Variants in DENND1A observed in about 807,000 individuals in gnomAD.
The protein encoded by DENND1A is DENN domain containing 1A.
Under a neutral mutation model 113.7 loss-of-function variants are expected in DENND1A, and 51 were observed. The observed-to-expected ratio is 0.45, with a 90% CI of 0.36 to 0.57. The LOEUF is 0.57. Ranked by LOEUF, DENND1A falls within the 20% of genes least tolerant of loss-of-function variation. DENND1A has a pLI of 0.00. For missense variants in DENND1A, 1,258 were observed against 1,395.9 expected (o/e 0.90, Z 1.57); for synonymous variants, 565 against 570.8 (o/e 0.99, Z 0.14).
At chr9:123,792,335 G>A (rs951658429) in intron 3 of DENND1A, among the ~76,000 whole-genome samples, 1 of 152,126 alleles carries the variant, frequency 6.6e-6, no homozygotes, top group Non-Finnish European at 1.5e-5. Flanking sequence ...TCAAAGTGAA[G>A]AGTAAAATTT....
At chr9:123,500,962 G>A (rs748189970) in intron 13 of DENND1A, among the ~76,000 whole-genome samples, 1 of 152,090 alleles carries the variant, frequency 6.6e-6, no homozygotes, top group Admixed American at 6.6e-5. Flanking sequence ...ATTTACTGCC[G>A]ATTATTTTTA....
At chr9:123,899,059 G>C (rs7863834) in intron 1 of DENND1A, among the ~76,000 whole-genome samples, 12,599 of 152,178 alleles carry the variant, frequency 0.083, 1,105 homozygotes, top group African/African-American at 0.22. Flanking sequence ...CTCAAATCTT[G>C]AAACTCACTT....
chr9:123,729,008 A>G (rs895248685), intron 5 of DENND1A, among the ~76,000 whole-genome samples: 3 of 152,230 alleles, frequency 2.0e-5, no homozygotes, highest in African/African-American at 7.2e-5. Flanking sequence ...AGAACCAATG[A>G]CAAAATCCAC....
At chr9:123,906,946 G>T (rs1423583111) in intron 1 of DENND1A, among the ~76,000 whole-genome samples, 1 of 139,830 alleles carries the variant, frequency 7.2e-6, no homozygotes, top group Non-Finnish European at 1.6e-5. Context: ...GAACATTGAC[G>T]CAAAAATCCT....
chr9:123,571,990 TAA>T (rs1389623202), intron 12 of DENND1A, among the ~76,000 whole-genome samples: 1 of 152,268 alleles, frequency 6.6e-6, no homozygotes, highest in Non-Finnish European at 1.5e-5. Flanking sequence ...TAAATAATTT[TAA>T]AGTCAGGTTT....
chr9:123,657,760 AT>A (rs534238086), intron 8 of DENND1A, among the ~76,000 whole-genome samples: 8,273 of 145,258 alleles, frequency 0.057, 705 homozygotes, highest in African/African-American at 0.19. Flanking sequence ...CCCTCAACTG[AT>A]TTTTTTTTTT....
chr9:123,587,096 A>G (rs2059209821), intron 11 of DENND1A, among the ~76,000 whole-genome samples: 2 of 151,908 alleles, frequency 1.3e-5, no homozygotes, highest in African/African-American at 4.8e-5. Context: ...CTGCGGTGCC[A>G]ACAATGCACT....
At position 123,409,808 on chromosome 9, in the gene DENND1A, T is replaced by C. The variant is rs1294148818; in HGVS notation, c.1542+1968A>G. 2.6e-5 allele frequency among the ~76,000 whole-genome samples: 4 copies of C among 152,266 alleles called. No homozygotes were observed. The East Asian group carries it at 7.7e-4, about 29-fold the overall frequency. On this transcript the variant is annotated intron_variant, in intron 20 of 23. Coordinates refer to ENST00000394215, the MANE Select transcript of DENND1A (RefSeq NM_001352964.2). ...AAAAACCTGTTAAGAATAAGAACCG[T>C]TGGCCGGGTGCGGTGGCTCACGTCT... is the stretch of plus-strand genomic sequence containing the variant.
At chr9:123,514,245 G>C (rs539481614) in intron 13 of DENND1A, among the ~76,000 whole-genome samples, 34 of 152,218 alleles carry the variant, frequency 2.2e-4, no homozygotes, top group Admixed American at 3.9e-4. Flanking sequence ...ACATGGAATG[G>C]TCCACGTGGA....
At chr9:123,731,823 T>C (rs2068195855) in intron 5 of DENND1A, among the ~76,000 whole-genome samples, 1 of 152,180 alleles carries the variant, frequency 6.6e-6, no homozygotes, top group Admixed American at 6.5e-5. Flanking sequence ...TTGCAAATCA[T>C]ATATCTGAAA....
At chr9:123,789,312 T>C (rs753997437) in intron 3 of DENND1A, among the ~76,000 whole-genome samples, 15 of 152,152 alleles carry the variant, frequency 9.9e-5, no homozygotes, top group South Asian at 6.2e-4. Context: ...GGCTGCTCAT[T>C]ACTTCTTCCT....
chr9:123,672,496 T>C (rs2063813463), intron 6 of DENND1A, among the ~76,000 whole-genome samples: 1 of 152,214 alleles, frequency 6.6e-6, no homozygotes, highest in African/African-American at 2.4e-5. Flanking sequence ...AACAAGGACA[T>C]TCTCCTAAAT....
intron 5 of DENND1A, among the ~76,000 whole-genome samples, chr9:123,711,054 A>C (rs1210890220): frequency 6.6e-6 from 1 of 152,212 alleles, no homozygotes; most frequent in Non-Finnish European, 1.5e-5. Flanking sequence ...AAAAAGGAGT[A>C]AACAAATACG....
At chr9:123,858,598 T>G (rs1489168941) in intron 2 of DENND1A, among the ~76,000 whole-genome samples, 1 of 151,976 alleles carries the variant, frequency 6.6e-6, no homozygotes, top group Admixed American at 6.6e-5. Flanking sequence ...GGGTAAAAGG[T>G]TGGTCGAGGG....
chr9:123,758,118 G>T (rs539500254), intron 4 of DENND1A, among the ~76,000 whole-genome samples: 1 of 152,122 alleles, frequency 6.6e-6, no homozygotes, highest in Non-Finnish European at 1.5e-5. Flanking sequence ...AATTCCGAAA[G>T]GTGCCCTCTA....
intron 2 of DENND1A, among the ~76,000 whole-genome samples, chr9:123,864,793 A>C (rs1189276118): frequency 6.6e-6 from 1 of 152,152 alleles, no homozygotes; most frequent in Non-Finnish European, 1.5e-5. Context: ...ATCAACAATA[A>C]AACTGTGGAG....
chr9:123,391,097 TGG>T (rs759633131), intron 21 of DENND1A, among the ~76,000 whole-genome samples: 18 of 152,132 alleles, frequency 1.2e-4, no homozygotes, highest in Non-Finnish European at 2.2e-4. Context: ...TGGAGGGGGC[TGG>T]GGGCTTCCAC....
intron 13 of DENND1A, among the ~76,000 whole-genome samples, chr9:123,504,069 G>A (rs762925178): frequency 2.6e-4 from 39 of 152,168 alleles, no homozygotes; most frequent in Non-Finnish European, 8.8e-5. Flanking sequence ...CTTCCTTTCT[G>A]GTTTTATCGT....
chr9:123,677,109 C>T (rs2064126718), intron 5 of DENND1A, among the ~76,000 whole-genome samples: 1 of 152,208 alleles, frequency 6.6e-6, no homozygotes, highest in South Asian at 2.1e-4. Flanking sequence ...TCTCCCAGCA[C>T]ACCCACCCTT....
Sources: gnomAD v4.1 joint callset for allele counts (sites outside exome capture counted in the v4.1 genomes callset) on GRCh38, gnomAD v4.1.1 for gene constraint, MANE v1.5 for transcripts, NCBI Gene and HGNC (gene_info 2026-07-23, HGNC 2026-07-21) for gene names.